Variants in TMTC2 observed in about 807,000 individuals in gnomAD.
TMTC2 encodes transmembrane O-mannosyltransferase targeting cadherins 2.
In TMTC2, 43 loss-of-function variants were observed where a neutral mutation model predicts 82.4. The ratio of observed to expected loss-of-function variants is 0.52; its 90% CI spans 0.41 to 0.67. The LOEUF (loss-of-function observed/expected upper bound fraction) is 0.67, where lower values mean the gene tolerates loss of function less well. Among genes scored for constraint, TMTC2 ranks in the 30% least tolerant of loss-of-function variants. The pLI, the probability that TMTC2 is intolerant of heterozygous loss-of-function variation, is 0.00. For synonymous variants in TMTC2, 408 were observed against 381.9 expected (o/e 1.07, Z -0.80); for missense variants, 919 against 1,012.4 (o/e 0.91, Z 1.25).
chr12:82,851,285 C>T (rs1364376285), intron 1 of TMTC2, among the ~76,000 whole-genome samples: 3 of 151,990 alleles, frequency 2.0e-5, no homozygotes, highest in Non-Finnish European at 4.4e-5. Context: ...CAAAAATTAG[C>T]CAGGTGTGGT....
chr12:83,124,086 G>T (rs960866368), intron 11 of TMTC2, among the ~76,000 whole-genome samples: 1 of 151,990 alleles, frequency 6.6e-6, no homozygotes, highest in Non-Finnish European at 1.5e-5. Flanking sequence ...TCCCTCTTTC[G>T]GTCTGAAGGG....
At chr12:82,913,388 A>G (rs11115483) in intron 3 of TMTC2, among the ~76,000 whole-genome samples, 10,025 of 152,154 alleles carry the variant, frequency 0.066, 1,087 homozygotes, top group African/African-American at 0.23. Context: ...TGGAGCAGAC[A>G]TTTACTTTTG....
chr12:83,085,654 T>C (rs564593299), intron 11 of TMTC2, among the ~76,000 whole-genome samples: 30 of 152,308 alleles, frequency 2.0e-4, no homozygotes, highest in Admixed American at 1.7e-3. Context: ...TTTTAAGGCC[T>C]TTCCCAACAT....
intron 1 of TMTC2, among the ~76,000 whole-genome samples, chr12:82,694,053 CTT>C (rs1392370070): frequency 6.9e-6 from 1 of 145,056 alleles, no homozygotes; most frequent in Non-Finnish European, 1.5e-5. Flanking sequence ...GGGTTTATAA[CTT>C]TGACTTTTTT....
intron 2 of TMTC2, among the ~76,000 whole-genome samples, chr12:82,893,009 C>T (rs543181465): frequency 6.6e-6 from 1 of 151,964 alleles, no homozygotes; most frequent in Non-Finnish European, 1.5e-5. Flanking sequence ...TTCAGAGGAA[C>T]AATGGAATGG....
chr12:82,772,067 C>A (rs766345284), intron 1 of TMTC2, among the ~76,000 whole-genome samples: 8 of 152,254 alleles, frequency 5.3e-5, no homozygotes, highest in Middle Eastern at 3.4e-3. Context: ...TTTTTTCTTG[C>A]ACCATGGCGC....
chr12:83,074,429 G>T (rs1163592096), intron 11 of TMTC2, among the ~76,000 whole-genome samples: 3 of 152,058 alleles, frequency 2.0e-5, no homozygotes, highest in Non-Finnish European at 4.4e-5. Flanking sequence ...CACTCTTTTT[G>T]TGCTGGTTGG....
intron 1 of TMTC2, among the ~76,000 whole-genome samples, chr12:82,743,846 C>T (rs1409698088): frequency 1.3e-5 from 2 of 152,172 alleles, no homozygotes; most frequent in Non-Finnish European, 2.9e-5. Flanking sequence ...CCTAATGCAT[C>T]GTGACTTATC....
intron 9 of TMTC2, among the ~76,000 whole-genome samples, chr12:83,037,542 G>T (rs1881710922): frequency 6.6e-6 from 1 of 151,998 alleles, no homozygotes; most frequent in Non-Finnish European, 1.5e-5. Flanking sequence ...TCCCTTTAAT[G>T]CTCTAAGAAG....
intron 4 of TMTC2, among the ~76,000 whole-genome samples, chr12:82,956,681 T>C (rs926446799): frequency 1.3e-5 from 2 of 152,120 alleles, no homozygotes; most frequent in African/African-American, 4.8e-5. Context: ...ATTGAACTCC[T>C]GACCTCAGGT....
intron 9 of TMTC2, among the ~76,000 whole-genome samples, chr12:83,040,717 G>A (rs898504279): frequency 9.1e-5 from 12 of 132,548 alleles, no homozygotes; most frequent in African/African-American, 2.3e-4. Context: ...ACGGAGTCTC[G>A]CTCAGTCGCC....
At chr12:82,717,240 T>C (rs1592869772) in intron 1 of TMTC2, among the ~76,000 whole-genome samples, 1 of 151,090 alleles carries the variant, frequency 6.6e-6, no homozygotes, top group Non-Finnish European at 1.5e-5. Flanking sequence ...TTTTTTATCC[T>C]GGAGACAGAG....
chr12:83,117,403 A>T (rs1592504238), intron 11 of TMTC2, among the ~76,000 whole-genome samples: 1 of 152,212 alleles, frequency 6.6e-6, no homozygotes, highest in African/African-American at 2.4e-5. Context: ...CTAACAACAT[A>T]TCGAAAAGAT....
chr12:83,068,550 A>G (rs1370010915), intron 11 of TMTC2, among the ~76,000 whole-genome samples: 2 of 152,112 alleles, frequency 1.3e-5, no homozygotes, highest in African/African-American at 2.4e-5. Context: ...TGGGAATACT[A>G]CATACCATAT....
At chr12:83,108,383 G>A (rs1884488801) in intron 11 of TMTC2, among the ~76,000 whole-genome samples, 1 of 152,234 alleles carries the variant, frequency 6.6e-6, no homozygotes. Flanking sequence ...TATAAAACGT[G>A]AACTTTAGGA....
intron 8 of TMTC2, among the ~76,000 whole-genome samples, chr12:83,027,762 A>G (rs1422891287): frequency 6.6e-6 from 1 of 152,208 alleles, no homozygotes; most frequent in South Asian, 2.1e-4. Context: ...CTAGGAAAGC[A>G]TGAGACTCAT....
chr12:82,705,153 A>C (rs1178695150), intron 1 of TMTC2, among the ~76,000 whole-genome samples: 1 of 152,220 alleles, frequency 6.6e-6, no homozygotes, highest in African/African-American at 2.4e-5. Flanking sequence ...ATGTAAAGGC[A>C]TAAGAATGAC....
intron 2 of TMTC2, among the ~76,000 whole-genome samples, chr12:82,866,259 A>C (rs555524938): frequency 1.4e-4 from 21 of 152,008 alleles, no homozygotes; most frequent in African/African-American, 4.3e-4. Context: ...AAAAAAAAAA[A>C]AAAACAAAAA....
At chr12:82,723,211 T>G (rs1874292307) in intron 1 of TMTC2, among the ~76,000 whole-genome samples, 1 of 152,142 alleles carries the variant, frequency 6.6e-6, no homozygotes, top group Admixed American at 6.5e-5. Flanking sequence ...GGCTCATAGT[T>G]TGGTGTCGGA....
Sources: gnomAD v4.1 joint callset for allele counts (sites outside exome capture counted in the v4.1 genomes callset) on GRCh38, gnomAD v4.1.1 for gene constraint, MANE v1.5 for transcripts, NCBI Gene and HGNC (gene_info 2026-07-23, HGNC 2026-07-21) for gene names.